The following NRXN1 variants were observed in gnomAD, a reference collection of about 807,000 sequenced individuals.
The protein encoded by NRXN1 is neurexin 1, also known as neurexin-1.
NRXN1 carries 39 observed loss-of-function variants against 150.9 expected under a neutral mutation model. The ratio of observed to expected loss-of-function variants is 0.26; its 90% CI spans 0.20 to 0.34. The LOEUF (loss-of-function observed/expected upper bound fraction) is 0.34, where lower values mean the gene tolerates loss of function less well. NRXN1 is among the 10% of genes least tolerant of loss of function. NRXN1 has a pLI of 1.00. For missense variants in NRXN1, 1,815 were observed against 1,949.9 expected (o/e 0.93, Z 1.30); for synonymous variants, 924 against 757.0 (o/e 1.22, Z -3.62).
At chr2:50,331,992 A>G (rs2076867248) in intron 17 of NRXN1, among the ~76,000 whole-genome samples, 2 of 152,192 alleles carry the variant, frequency 1.3e-5, no homozygotes, top group Admixed American at 6.5e-5. Flanking sequence ...GTGCAGTTTC[A>G]GTAAACTCCT....
At chr2:51,005,241 T>C (rs935306748) in intron 2 of NRXN1, among the ~76,000 whole-genome samples, 1 of 151,862 alleles carries the variant, frequency 6.6e-6, no homozygotes, top group African/African-American at 2.4e-5. Flanking sequence ...TCAGTTATAA[T>C]GCCTATTCTT....
chr2:50,720,030 C>G (rs893780363), intron 5 of NRXN1, among the ~76,000 whole-genome samples: 1 of 152,162 alleles, frequency 6.6e-6, no homozygotes. Context: ...AATTACAAAA[C>G]TGGTCAATCA....
In NRXN1 at chr2:50,136,902, ATG is replaced by A. The variant is rs1706492923; in HGVS notation, c.3547-45410_3547-45409del. On this transcript the variant is annotated intron_variant, in intron 18 of 22. Transcript: ENST00000401669. ...AATGACCCACTTTAAGTACAAAAAA[ATG>A]AGAATAATCTATAAAAACTAATGAA... is the stretch of plus-strand genomic sequence containing the variant. 3.3e-5 allele frequency among the ~76,000 whole-genome samples: 5 copies of A among 152,214 alleles called. No homozygotes were observed. In the South Asian group the frequency reaches 1.0e-3, roughly 32 times the overall value.
At chr2:50,896,824 G>A (rs1682037927) in intron 5 of NRXN1, among the ~76,000 whole-genome samples, 1 of 151,514 alleles carries the variant, frequency 6.6e-6, no homozygotes, top group Non-Finnish European at 1.5e-5. Flanking sequence ...CCCAGCCTGG[G>A]CGACAGAGCA....
intron 19 of NRXN1, among the ~76,000 whole-genome samples, chr2:50,078,164 T>A (rs566816912): frequency 1.3e-5 from 2 of 152,192 alleles, no homozygotes; most frequent in South Asian, 4.1e-4. Flanking sequence ...AGTTACACCT[T>A]TGGATTGTTA....
At chr2:50,116,625 G>T (rs1397634918) in intron 18 of NRXN1, among the ~76,000 whole-genome samples, 1 of 151,996 alleles carries the variant, frequency 6.6e-6, no homozygotes, top group Non-Finnish European at 1.5e-5. Flanking sequence ...CAGATGTGGG[G>T]GTTCCAGAAA....
chr2:49,985,863 A>G lies in NRXN1; in HGVS notation c.4129-42072T>C, dbSNP rs72887830. Among the ~76,000 whole-genome samples, 1,012 of 152,358 alleles carry G rather than the reference A, an allele frequency of 6.6e-3. 16 individuals carry two copies. Among genetic ancestry groups the G allele is most frequent in the African/African-American group, 0.023 (971 of 41,582 alleles). On this transcript the variant is annotated intron_variant, in intron 21 of 22. Coordinates refer to ENST00000401669, the MANE Select transcript of NRXN1 (RefSeq NM_001330078.2). ...CACTCACTTTGGAAGTTAAACCATTATTAGTAATACTGACAACACATTTCA... is the reference window on the plus strand; with the variant it reads ...CACTCACTTTGGAAGTTAAACCATTGTTAGTAATACTGACAACACATTTCA...
At chr2:50,286,412 A>T (rs900210257) in intron 17 of NRXN1, among the ~76,000 whole-genome samples, 1 of 152,154 alleles carries the variant, frequency 6.6e-6, no homozygotes, top group East Asian at 1.9e-4. Context: ...AGCTATTTCA[A>T]TTCACATAAT....
chr2:50,693,974 G>C (rs1281765764), intron 5 of NRXN1, among the ~76,000 whole-genome samples: 1 of 151,930 alleles, frequency 6.6e-6, no homozygotes, highest in African/African-American at 2.4e-5. Context: ...TTTATTTTTT[G>C]TAGAAATAGG....
chr2:50,590,934 T>C lies in NRXN1; in HGVS notation c.1320+29088A>G, dbSNP rs530715756. ...AGCAATTGGCTCACCATACTCTAAA[T>C]AATATAACTCCCTGCCCTGATTGAA... is the stretch of plus-strand genomic sequence containing the variant. On this transcript the variant is annotated intron_variant, in intron 8 of 22. Transcript: ENST00000401669. Among the ~76,000 whole-genome samples, 10 of 152,298 alleles carry C rather than the reference T, an allele frequency of 6.6e-5. No individual in the cohort carries two copies. In the South Asian group the frequency reaches 1.9e-3, roughly 28 times the overall value.
intron 9 of NRXN1, among the ~76,000 whole-genome samples, chr2:50,541,670 C>T (rs1453242853): frequency 4.0e-5 from 6 of 151,712 alleles, no homozygotes; most frequent in Non-Finnish European, 8.8e-5. Flanking sequence ...TTCAAATATC[C>T]CAGTGCACAC....
chr2:50,661,042 A>C (rs189262961), intron 5 of NRXN1, among the ~76,000 whole-genome samples: 1 of 152,050 alleles, frequency 6.6e-6, no homozygotes, highest in African/African-American at 2.4e-5. Flanking sequence ...GTTCATGACT[A>C]GAATCTTACC....
intron 17 of NRXN1, among the ~76,000 whole-genome samples, chr2:50,272,027 T>G (rs2069741409): frequency 6.6e-6 from 1 of 152,052 alleles, no homozygotes; most frequent in African/African-American, 2.4e-5. Flanking sequence ...AGACTTAATA[T>G]TTATTTACAG....
intron 8 of NRXN1, among the ~76,000 whole-genome samples, chr2:50,595,316 A>G (rs1259264942): frequency 6.6e-6 from 1 of 151,838 alleles, no homozygotes; most frequent in African/African-American, 2.4e-5. Flanking sequence ...TTATTTAGAT[A>G]TGAGATGCCT....
chr2:50,128,535 T>TA (rs752101847), intron 18 of NRXN1, among the ~76,000 whole-genome samples: 32 of 152,204 alleles, frequency 2.1e-4, no homozygotes, highest in Non-Finnish European at 4.1e-4. Context: ...CAAGAAAATG[T>TA]GAATGATATG....
intron 9 of NRXN1, among the ~76,000 whole-genome samples, chr2:50,549,439 G>A (rs1460019141): frequency 6.6e-6 from 1 of 151,840 alleles, no homozygotes; most frequent in Non-Finnish European, 1.5e-5. Flanking sequence ...TATATTGTTT[G>A]TACCAATTCA....
intron 17 of NRXN1, among the ~76,000 whole-genome samples, chr2:50,416,293 G>A (rs1445166232): frequency 6.6e-6 from 1 of 152,012 alleles, no homozygotes; most frequent in African/African-American, 2.4e-5. Flanking sequence ...CAAGAAAGGA[G>A]ACAGGAGGAA....
intron 5 of NRXN1, among the ~76,000 whole-genome samples, chr2:50,745,066 C>T (rs1416486834): frequency 1.3e-5 from 2 of 152,096 alleles, no homozygotes; most frequent in Non-Finnish European, 2.9e-5. Flanking sequence ...GTTAATTAGG[C>T]AGGCTTCAGA....
chr2:50,781,007 T>C (rs953214892), intron 5 of NRXN1, among the ~76,000 whole-genome samples: 4 of 152,208 alleles, frequency 2.6e-5, no homozygotes, highest in African/African-American at 9.6e-5. Context: ...GTTAACCTGC[T>C]GCAGTTTTAT....
Sources: allele counts gnomAD v4.1 joint callset (sites outside exome capture counted in the v4.1 genomes callset), GRCh38; gene constraint gnomAD v4.1.1; transcripts MANE v1.5; gene names NCBI Gene and HGNC (gene_info 2026-07-23, HGNC 2026-07-21).